Variants in APC2 observed in about 807,000 individuals in gnomAD.
The protein encoded by APC2 is adenomatous polyposis coli protein 2.
APC2 carries 41 observed loss-of-function variants against 72.5 expected under a neutral mutation model. That is an observed-to-expected ratio of 0.57 (90% CI 0.44 to 0.73). The LOEUF (loss-of-function observed/expected upper bound fraction) is 0.73. Ranked by LOEUF, APC2 falls within the 30% of genes least tolerant of loss-of-function variation. The pLI, the probability that APC2 is intolerant of heterozygous loss-of-function variation, is 0.00. For missense variants in APC2, 3,729 were observed against 3,403.4 expected (o/e 1.10, Z -2.38); for synonymous variants, 1,898 against 1,612.0 (o/e 1.18, Z -4.25).
rs759351445 is a variant in APC2, at chr19:1,467,141, G to T, written c.3840G>T (p.Ala1280=). ...ENFSCASSLS[A]LALHEHYVQQ... Reference sequence around the variant, plus strand: ...TCTCGTGCGCCTCCAGCCTCAGCGCGCTGGCCTTGCACGAGCACTACGTGC... The same window carrying T: ...TCTCGTGCGCCTCCAGCCTCAGCGCTCTGGCCTTGCACGAGCACTACGTGC... Residue 1280 remains alanine (A), a synonymous_variant, in exon 15 of 15, where the codon GCG becomes GCT. Transcript: ENST00000590469. 1.9e-6 allele frequency: 3 copies of T among 1,576,326 alleles called. No individual in the cohort carries two copies. The highest frequency in any genetic ancestry group is 2.6e-6 in the Non-Finnish European group (3 of 1,161,152).
chr19:1,456,174 A>T, intron 7 of APC2, 21 bp downstream of exon 7: 1 of 1,571,760 alleles, frequency 6.4e-7, no homozygotes, highest in Non-Finnish European at 8.6e-7. Flanking sequence ...GGGCAGAGCC[A>T]GGGACCAGGG....
At chr19:1,455,317 G>A in intron 5 of APC2, 60 bp downstream of exon 5, 2 of 1,586,536 alleles carry the variant, frequency 1.3e-6, no homozygotes, top group Non-Finnish European at 1.7e-6. Context: ...GCGGGAAGCG[G>A]CGTGGGGGAG....
In APC2 at chr19:1,466,012, A is replaced by C; in HGVS notation, c.2711A>C (p.Glu904Ala). The change falls in exon 15 of 15, where the codon GAG (glutamate) becomes GCG (alanine). Residue 904 changes from glutamate (E) to alanine (A), a missense_variant. Coordinates refer to ENST00000590469, the MANE Select transcript of APC2 (RefSeq NM_005883.3). ...CGCGGCCCGGAGGGCGGGCGGCGAG[A>C]GGCAGGAAGCCGGGCGCACCCGCTG... is the stretch of plus-strand genomic sequence containing the variant. ...PCRGPEGGRR[E>A]AGSRAHPLLR... The C allele has an allele frequency of 6.7e-7, 1 of 1,499,816 alleles. No individual in the cohort carries two copies. Among genetic ancestry groups the C allele is most frequent in the Non-Finnish European group, 8.8e-7 (1 of 1,134,204 alleles). The allele number at this position is 1,499,816 out of a possible 1,614,324, so 92.9% of individuals were successfully genotyped here.
rs1055553125 is a variant in APC2, at chr19:1,469,919, C to A, written c.6618C>A (p.Ser2206=). The A allele has an allele frequency of 1.3e-6, 2 of 1,520,034 alleles. No individual in the cohort carries two copies. Among genetic ancestry groups the A allele is most frequent in the Non-Finnish European group, 1.8e-6 (2 of 1,140,258 alleles). The allele number at this position is 1,520,034 out of a possible 1,614,324, so 94.2% of individuals were successfully genotyped here. A position where few individuals can be genotyped will look rare whatever the true frequency, so the allele number is the denominator to read the frequency against. Residue 2206 remains serine (S), a synonymous_variant, in exon 15 of 15, where the codon TCC becomes TCA. Transcript: ENST00000590469. ...CCCCCAAGACCAACTCCAGCACGTC[C>A]CCGAGCCTGGAGACCAGGGAGCCCC... ...VAAPKTNSST[S]PSLETREPPG... is the part of the protein sequence containing the mutation.
At chr19:1,451,923 G>C (rs1296100427) in intron 1 of APC2, 1 of 152,798 alleles carries the variant, frequency 6.5e-6, no homozygotes, top group Non-Finnish European at 1.5e-5. Context: ...AACAAATGAC[G>C]GGTGAATACA....
rs1424211536 is a variant in APC2 at position 1,466,272 on chromosome 19, C to A, written c.2971C>A (p.Arg991Ser). Residue 991 changes from arginine (R) to serine (S), a missense_variant, in exon 15 of 15, where the codon CGC becomes AGC. Coordinates refer to ENST00000590469, the MANE Select transcript of APC2 (RefSeq NM_005883.3). ...REATSADARVRTIKLSPTYQH... is the reference protein window; with the variant it reads ...REATSADARVSTIKLSPTYQH... ...GGCCACCTCCGCCGACGCCCGCGTGCGCACCATCAAGCTGTCGCCTACCTA... is the reference window on the plus strand; with the variant it reads ...GGCCACCTCCGCCGACGCCCGCGTGAGCACCATCAAGCTGTCGCCTACCTA... The A allele has an allele frequency of 2.0e-6, 3 of 1,530,188 alleles. No homozygotes were observed. The highest frequency in any genetic ancestry group is 1.2e-5 in the South Asian group (1 of 81,338). 94.8% of individuals were successfully genotyped at this position (1,530,188 alleles called of 1,614,324 possible). A position where few individuals can be genotyped will look rare whatever the true frequency, so the allele number is the denominator to read the frequency against.
At chr19:1,461,423 G>T (rs1320123678) in intron 13 of APC2, 6 of 510,008 alleles carry the variant, frequency 1.2e-5, no homozygotes, top group Non-Finnish European at 2.1e-5. Context: ...AAAAAAAACA[G>T]CCAGGCGTGG....
At position 1,470,159 on chromosome 19, in the gene APC2, C is replaced by T. The variant is rs202199844; in HGVS notation, c.6858C>T (p.Thr2286=). The change falls in exon 15 of 15, where the codon ACC becomes ACT. Residue 2286 remains threonine, a synonymous_variant. Transcript: ENST00000590469. ...GCCCCATGGTGGTCGCAGCCACCACCGACTCGGCCGCGGAGAAAGCCCCGG... is the reference window on the plus strand; with the variant it reads ...GCCCCATGGTGGTCGCAGCCACCACTGACTCGGCCGCGGAGAAAGCCCCGG... ...VPSPMVVAAT[T]DSAAEKAPAT... The T allele has an allele frequency of 1.9e-6, 3 of 1,603,732 alleles. No individual in the cohort carries two copies. Among genetic ancestry groups the T allele is most frequent in the East Asian group, 4.5e-5 (2 of 44,234 alleles).
In APC2 at chr19:1,470,087, C is replaced by T. The variant is rs1599167286; in HGVS notation, c.6786C>T (p.Gly2262=). The change falls in exon 15 of 15, where the codon GGC becomes GGT. Residue 2262 remains glycine, a synonymous_variant. Coordinates refer to ENST00000590469, the MANE Select transcript of APC2 (RefSeq NM_005883.3). ...AVGGFPASRH[G]SPSRSARVPP... Reference sequence around the variant, plus strand: ...GGGGCTTCCCCGCCAGCCGGCACGGCTCCCCCAGCCGCTCGGCCCGAGTAC... The same window carrying T: ...GGGGCTTCCCCGCCAGCCGGCACGGTTCCCCCAGCCGCTCGGCCCGAGTAC... 1.2e-6 allele frequency: 2 copies of T among 1,602,476 alleles called. No individual in the cohort carries two copies. Among genetic ancestry groups the T allele is most frequent in the African/African-American group, 2.7e-5 (2 of 74,542 alleles).
At chr19:1,458,345 A>G in intron 10 of APC2, 1 of 485,234 alleles carries the variant, frequency 2.1e-6, no homozygotes, top group Non-Finnish European at 3.7e-6. Flanking sequence ...ACGGACCAGA[A>G]GGGCAAAGAT....
chr19:1,459,651 G>A (rs1008261998), intron 10 of APC2, among the ~76,000 whole-genome samples: 6 of 152,150 alleles, frequency 3.9e-5, no homozygotes, highest in African/African-American at 1.4e-4. Flanking sequence ...AAGTGTTTTG[G>A]TGACAAGTCC....
At chr19:1,463,434 T>A (rs893421422) in intron 14 of APC2, among the ~76,000 whole-genome samples, 3 of 119,960 alleles carry the variant, frequency 2.5e-5, no homozygotes, top group South Asian at 2.4e-4. Flanking sequence ...AAAAAAAAAA[T>A]TAACCAGGTG....
chr19:1,469,328 C>A lies in APC2; in HGVS notation c.6027C>A (p.Ser2009=). Reference sequence around the variant, plus strand: ...CGCCGGGCTTGCGGCGCCGCCGCTCCGAGCTGTCCTCGGCCGAGTCCGCGG... The same window carrying A: ...CGCCGGGCTTGCGGCGCCGCCGCTCAGAGCTGTCCTCGGCCGAGTCCGCGG... ...KESPGLRRRR[S]ELSSAESAAS... The change falls in exon 15 of 15, where the codon TCC becomes TCA. Residue 2009 remains serine, a synonymous_variant. Transcript: ENST00000590469. 2 of 1,408,162 alleles carry A rather than the reference C, an allele frequency of 1.4e-6. No homozygotes were observed. The highest frequency in any genetic ancestry group is 1.9e-6 in the Non-Finnish European group (2 of 1,077,398). 87.2% of individuals were successfully genotyped at this position (1,408,162 alleles called of 1,614,324 possible).
In APC2 at chr19:1,462,655, C is replaced by CAAAAAAA. The variant is rs34103912; in HGVS notation, c.1853+498_1853+504dup. Among the ~76,000 whole-genome samples, 56 of 24,924 alleles carry CAAAAAAA rather than the reference C, an allele frequency of 2.2e-3. 4 individuals carry two copies. Among genetic ancestry groups the CAAAAAAA allele is most frequent in the African/African-American group, 6.4e-3 (53 of 8,228 alleles). 16.4% of individuals were successfully genotyped at this position (24,924 alleles called of 152,430 possible). A position where few individuals can be genotyped will look rare whatever the true frequency, so the allele number is the denominator to read the frequency against. ...GGGCAACAAGAGCGAAACTTCATCT[C>CAAAAAAA]AAAAAAAAAAAAAAAAAAAAAAAAA... On this transcript the variant is annotated intron_variant, in intron 14 of 14. Transcript: ENST00000590469.
intron 6 of APC2, 132 bp downstream of exon 6, chr19:1,455,632 G>A: frequency 1.1e-6 from 1 of 910,170 alleles, no homozygotes; most frequent in Admixed American, 2.2e-5. Context: ...GGGGGCGCGG[G>A]TTCTGGTTCA....
chr19:1,455,272 G>C lies in APC2; in HGVS notation c.522+15G>C, dbSNP rs748917200. 1.3e-6 allele frequency: 2 copies of C among 1,565,712 alleles called. No individual in the cohort carries two copies. Among genetic ancestry groups the C allele is most frequent in the South Asian group, 2.3e-5 (2 of 85,544 alleles). On this transcript the variant is annotated intron_variant, in intron 5 of 14. Coordinates refer to ENST00000590469, the MANE Select transcript of APC2 (RefSeq NM_005883.3). ...ACGTGGAGACGGTGAGCCGGCCGGG[G>C]AGCCAGGGGGCAGCGCGCCCGCCCC...
At position 1,462,182 on chromosome 19, in the gene APC2, G is replaced by GCGCC; in HGVS notation, c.1853+6_1853+7insGCCC. ...CGCCACCCGTGAGGACTACAGGTCG[G>GCGCC]CCCCCACCCCCCCACCCGCACACAG... On this transcript the variant is annotated splice_donor_region_variant and intron_variant, in intron 14 of 14. Coordinates refer to ENST00000590469, the MANE Select transcript of APC2 (RefSeq NM_005883.3). The GCGCC allele has an allele frequency of 6.5e-7, 1 of 1,535,434 alleles. No individual in the cohort carries two copies. Among genetic ancestry groups the GCGCC allele is most frequent in the Non-Finnish European group, 8.8e-7 (1 of 1,139,638 alleles).
chr19:1,460,280 T>C lies in APC2; in HGVS notation c.1403T>C (p.Met468Thr). The change falls in exon 11 of 15, where the codon ATG becomes ACG. Residue 468 changes from methionine (M) to threonine (T), a missense_variant. Coordinates refer to ENST00000590469, the MANE Select transcript of APC2 (RefSeq NM_005883.3). ...LNLALRRYAG[M>T]TLTNLTFGDV... The stretch of plus-strand genomic sequence containing the variant: ...CTGGCGCTGCGCCGCTACGCGGGCA[T>C]GACCCTCACCAACCTCACCTTTGGG... 1.2e-6 allele frequency: 2 copies of C among 1,613,542 alleles called. No individual in the cohort carries two copies. The highest frequency in any genetic ancestry group is 1.7e-6 in the Non-Finnish European group (2 of 1,180,006).
At chr19:1,464,589 T>C (rs1221868194) in intron 14 of APC2, among the ~76,000 whole-genome samples, 2 of 151,286 alleles carry the variant, frequency 1.3e-5, no homozygotes, top group Non-Finnish European at 2.9e-5. Flanking sequence ...TCTATCTAAG[T>C]ATACCCCAGA....
Sources: gnomAD v4.1 joint callset for allele counts (sites outside exome capture counted in the v4.1 genomes callset) on GRCh38, gnomAD v4.1.1 for gene constraint, MANE v1.5 for transcripts, NCBI Gene and HGNC (gene_info 2026-07-23, HGNC 2026-07-21) for gene names.